KIRREL1: variants seen among roughly 807,000 people sequenced by gnomAD.
KIRREL1 encodes the protein kirre like nephrin family adhesion molecule 1, also known as kin of IRRE-like protein 1.
A neutral mutation model predicts 83.3 loss-of-function variants in KIRREL1; 25 were observed. That is an observed-to-expected ratio of 0.30 (90% CI 0.22 to 0.42). The LOEUF is 0.42. KIRREL1 is among the 10% of genes least tolerant of loss of function. KIRREL1 has a pLI of 1.00. For synonymous variants in KIRREL1, 388 were observed against 410.4 expected (o/e 0.95, Z 0.66); for missense variants, 812 against 1,032.3 (o/e 0.79, Z 2.92).
At position 158,087,816 on chromosome 1, in the gene KIRREL1, C is replaced by T. The variant is rs781462411; in HGVS notation, c.723C>T (p.Val241=). Reference sequence around the variant, plus strand: ...CGGTGCAGGAGGGTGAGCGTGTTGTCTTTACCTGCCAGGCCACAGCCAACC... The same window carrying T: ...CGGTGCAGGAGGGTGAGCGTGTTGTTTTTACCTGCCAGGCCACAGCCAACC... ...PQTVQEGERV[V]FTCQATANPE... Residue 241 remains valine, a synonymous_variant, in exon 6 of 15, where the codon GTC becomes GTT. Coordinates refer to ENST00000359209, the MANE Select transcript of KIRREL1 (RefSeq NM_018240.7). The T allele has an allele frequency of 6.2e-7, 1 of 1,613,806 alleles. No individual in the cohort carries two copies. Among genetic ancestry groups the T allele is most frequent in the South Asian group, 1.1e-5 (1 of 91,016 alleles).
chr1:158,040,063 G>T (rs1660583891), intron 1 of KIRREL1, among the ~76,000 whole-genome samples: 1 of 152,196 alleles, frequency 6.6e-6, no homozygotes, highest in Non-Finnish European at 1.5e-5. Flanking sequence ...GGCCTCCCTT[G>T]CGTATTTTTC....
intron 1 of KIRREL1, among the ~76,000 whole-genome samples, chr1:158,029,387 A>G (rs879279233): frequency 5.9e-4 from 18 of 30,510 alleles, no homozygotes; most frequent in Admixed American, 5.2e-3. Flanking sequence ...GCGCATGCAC[A>G]CATGCATGCA....
At chr1:158,088,224 G>A (rs1662077107) in intron 7 of KIRREL1, 70 bp downstream of exon 7, 1 of 1,608,112 alleles carries the variant, frequency 6.2e-7, no homozygotes, top group Non-Finnish European at 8.5e-7. Context: ...ACAGAGTCGG[G>A]GACTGCTCCA....
At position 158,080,161 on chromosome 1, in the gene KIRREL1, T is replaced by C. The variant is rs932455014; in HGVS notation, c.352+2021T>C. ...GAACCGTGAGACTCTTAGGAAACCT[T>C]CTTCTTTCTTTTTTCCTCCCTAACT... On this transcript the variant is annotated intron_variant, in intron 3 of 14. Coordinates refer to ENST00000359209, the MANE Select transcript of KIRREL1 (RefSeq NM_018240.7). 2.6e-5 allele frequency among the ~76,000 whole-genome samples: 4 copies of C among 152,208 alleles called. No individual in the cohort carries two copies. In the East Asian group the frequency reaches 7.7e-4, roughly 29 times the overall value.
rs1404987039 is a variant in KIRREL1 at position 158,099,932 on chromosome 1, G to A, written c.*4812G>A. On this transcript the variant is annotated 3_prime_UTR_variant, in exon 15 of 15. Coordinates refer to ENST00000359209, the MANE Select transcript of KIRREL1 (RefSeq NM_018240.7). Reference sequence around the variant, plus strand: ...GTCCAATTTCACCAGAAGAGGCCCAGGGCTCCCTGTGGTCACATTTTCTAC... The same window carrying A: ...GTCCAATTTCACCAGAAGAGGCCCAAGGCTCCCTGTGGTCACATTTTCTAC... 6.6e-6 allele frequency: 1 copy of A among 152,096 alleles called. No homozygotes were observed. The highest frequency in any genetic ancestry group is 1.5e-5 in the Non-Finnish European group (1 of 68,030). 9.4% of individuals were successfully genotyped at this position (152,096 alleles called of 1,614,324 possible). A position where few individuals can be genotyped will look rare whatever the true frequency, so the allele number is the denominator to read the frequency against.
At position 158,089,506 on chromosome 1, in the gene KIRREL1, T is replaced by G; in HGVS notation, c.1049T>G (p.Leu350Arg). ...GAGGCTGCTCTCTCTGCCCAGGTCCTGAGTAACAGCAACCAGCTGCTGCTG... is the reference window on the plus strand; with the variant it reads ...GAGGCTGCTCTCTCTGCCCAGGTCCGGAGTAACAGCAACCAGCTGCTGCTG... The part of the protein sequence containing the change: ...TWTKKDSNMV[L>R]SNSNQLLLKS... Residue 350 changes from leucine to arginine, a missense_variant, in exon 9 of 15, where the codon CTG becomes CGG. Around this residue, in one of 3 missense-constraint regions of KIRREL1, gnomAD observed 472 missense variants for 626.8 expected, o/e 0.75. Transcript: ENST00000359209. The G allele has an allele frequency of 6.2e-7, 1 of 1,614,164 alleles. No individual in the cohort carries two copies. The highest frequency in any genetic ancestry group is 8.5e-7 in the Non-Finnish European group (1 of 1,180,036).
chr1:158,051,511 T>G (rs1381664881), intron 1 of KIRREL1, among the ~76,000 whole-genome samples: 1 of 152,220 alleles, frequency 6.6e-6, no homozygotes, highest in Non-Finnish European at 1.5e-5. Context: ...AACCAGCATG[T>G]AGCCGCATCA....
Position 158,094,248 on chromosome 1 carries a change from G to T in KIRREL1, c.1720-65G>T. On this transcript the variant is annotated intron_variant, in intron 13 of 14. Coordinates refer to ENST00000359209, the MANE Select transcript of KIRREL1 (RefSeq NM_018240.7). The surrounding 1 kb of genome is among the most constrained non-coding windows in gnomAD (Gnocchi z 4.6). ...CAGGTGGCCTCTGAGCGTGGGGAGG[G>T]GTTGGTGAGGGGCGAAAAGAGCAGG... The T allele has an allele frequency of 7.1e-7, 1 of 1,410,352 alleles. No homozygotes were observed. The highest frequency in any genetic ancestry group is 2.0e-5 in the Admixed American group (1 of 50,978). The allele number at this position is 1,410,352 out of a possible 1,614,324, so 87.4% of individuals were successfully genotyped here.
At chr1:158,045,227 T>G (rs935995383) in intron 1 of KIRREL1, among the ~76,000 whole-genome samples, 12 of 152,166 alleles carry the variant, frequency 7.9e-5, no homozygotes, top group African/African-American at 2.9e-4. Flanking sequence ...GCTACAACAC[T>G]GCCATACCTT....
chr1:158,011,498 T>G (rs756420149), intron 1 of KIRREL1, among the ~76,000 whole-genome samples: 2 of 152,168 alleles, frequency 1.3e-5, no homozygotes, highest in Non-Finnish European at 2.9e-5. Context: ...CTGTGCTCTA[T>G]TGGGCACTTC....
chr1:158,091,640 C>T, intron 11 of KIRREL1, 84 bp downstream of exon 11: 1 of 1,311,354 alleles, frequency 7.6e-7, no homozygotes, highest in African/African-American at 1.4e-5. Flanking sequence ...CAGGGCTCAG[C>T]TGCTCCCCTT....
At chr1:158,008,373 C>T (rs1223174349) in intron 1 of KIRREL1, among the ~76,000 whole-genome samples, 1 of 152,172 alleles carries the variant, frequency 6.6e-6, no homozygotes, top group African/African-American at 2.4e-5. Flanking sequence ...GTGCTGGCTG[C>T]TGGCACAGGC....
At chr1:157,999,002 G>T (rs1295877571) in intron 1 of KIRREL1, among the ~76,000 whole-genome samples, 1 of 152,042 alleles carries the variant, frequency 6.6e-6, no homozygotes, top group Non-Finnish European at 1.5e-5. Flanking sequence ...CCCCTCTTTT[G>T]TCTCCCTCCT....
At chr1:158,028,052 ACTC>A (rs1169595090) in intron 1 of KIRREL1, among the ~76,000 whole-genome samples, 2 of 151,240 alleles carry the variant, frequency 1.3e-5, no homozygotes, top group African/African-American at 4.9e-5. Context: ...TCCCTACACA[ACTC>A]CTCCTCCGCT....
At position 158,097,345 on chromosome 1, in the gene KIRREL1, G is replaced by C; in HGVS notation, c.*2225G>C. 1 of 299,874 alleles carries C rather than the reference G, an allele frequency of 3.3e-6. No individual in the cohort carries two copies. Among genetic ancestry groups the C allele is most frequent in the South Asian group, 3.2e-5 (1 of 31,562 alleles). The allele number at this position is 299,874 out of a possible 1,614,324, so 18.6% of individuals were successfully genotyped here. ...CATATTCCAAAAAGAATTCATTTTT[G>C]TTTTGGGTTTGGCTAGATTCTCTTA... On this transcript the variant is annotated 3_prime_UTR_variant, in exon 15 of 15. Transcript: ENST00000359209.
At chr1:158,079,775 TG>T (rs1486014879) in intron 3 of KIRREL1, among the ~76,000 whole-genome samples, 1 of 152,246 alleles carries the variant, frequency 6.6e-6, no homozygotes, top group African/African-American at 2.4e-5. Context: ...TGACAACCTC[TG>T]GGCATGAGTT....
At position 158,049,624 on chromosome 1, in the gene KIRREL1, T is replaced by A. The variant is rs1254883593; in HGVS notation, c.53-26489T>A. On this transcript the variant is annotated intron_variant, in intron 1 of 14. Coordinates refer to ENST00000359209, the MANE Select transcript of KIRREL1 (RefSeq NM_018240.7). ...TTCAGAAAGATCATTCTGGCAACTT[T>A]GTTGGGAATGGACTTAAGAGAAGCA... Among the ~76,000 whole-genome samples the A allele has an allele frequency of 2.6e-5, 4 of 152,200 alleles. No individual in the cohort carries two copies. The East Asian group carries it at 7.7e-4, about 29-fold the overall frequency.
At chr1:158,066,681 C>T (rs1227803902) in intron 1 of KIRREL1, among the ~76,000 whole-genome samples, 5 of 152,150 alleles carry the variant, frequency 3.3e-5, no homozygotes, top group African/African-American at 7.2e-5. Context: ...AGAGGCTCCC[C>T]GTCCCTTTCT....
At chr1:158,061,330 G>T (rs1449707934) in intron 1 of KIRREL1, among the ~76,000 whole-genome samples, 1 of 152,116 alleles carries the variant, frequency 6.6e-6, no homozygotes, top group African/African-American at 2.4e-5. Context: ...AACTAAATGA[G>T]AAATCATTAG....
Sources: allele counts gnomAD v4.1 joint callset (sites outside exome capture counted in the v4.1 genomes callset), GRCh38; gene constraint gnomAD v4.1.1; regional missense constraint gnomAD v4.1.1; non-coding constraint Gnocchi (gnomAD v3.1); transcripts MANE v1.5; gene names NCBI Gene and HGNC (gene_info 2026-07-23, HGNC 2026-07-21).